Variants in ANTXR2 observed in about 807,000 individuals in gnomAD.
ANTXR2 encodes ANTXR cell adhesion molecule 2.
In ANTXR2, 44 loss-of-function variants were observed where a neutral mutation model predicts 73.7. The observed-to-expected ratio is 0.60, with a 90% CI of 0.47 to 0.77. ANTXR2 has a LOEUF of 0.77. Ranked by LOEUF, ANTXR2 falls within the 30% of genes least tolerant of loss-of-function variation. ANTXR2 has a pLI of 0.00. For synonymous variants in ANTXR2, 217 were observed against 205.9 expected (o/e 1.05, Z -0.46); for missense variants, 604 against 592.5 (o/e 1.02, Z -0.20).
intron 10 of ANTXR2, among the ~76,000 whole-genome samples, chr4:80,022,052 T>C (rs999805593): frequency 2.0e-5 from 3 of 152,198 alleles, no homozygotes; most frequent in Non-Finnish European, 4.4e-5. Context: ...CTTATAAAGG[T>C]AACTTGTCCA....
At chr4:80,007,897 G>A (rs1731383576) in intron 12 of ANTXR2, among the ~76,000 whole-genome samples, 1 of 152,078 alleles carries the variant, frequency 6.6e-6, no homozygotes, top group Non-Finnish European at 1.5e-5. Flanking sequence ...ATAAATTTGT[G>A]TTGCTTTTAG....
intron 14 of ANTXR2, among the ~76,000 whole-genome samples, chr4:79,981,699 C>G (rs189396753): frequency 5.3e-5 from 8 of 152,134 alleles, no homozygotes; most frequent in Admixed American, 3.3e-4. Context: ...GGATACTCAA[C>G]GTGTATCGTG....
intron 10 of ANTXR2, among the ~76,000 whole-genome samples, chr4:80,025,067 T>C (rs1290146325): frequency 6.6e-6 from 1 of 152,170 alleles, no homozygotes; most frequent in Non-Finnish European, 1.5e-5. Flanking sequence ...AGTAGAAGGA[T>C]AGAAGAAAGC....
intron 10 of ANTXR2, among the ~76,000 whole-genome samples, chr4:80,024,083 G>A (rs113731651): frequency 2.6e-5 from 4 of 152,324 alleles, no homozygotes; most frequent in African/African-American, 9.6e-5. Flanking sequence ...TAGTGGCAAT[G>A]AGGTTAGTGT....
intron 12 of ANTXR2, among the ~76,000 whole-genome samples, chr4:79,990,097 T>G (rs1730392506): frequency 6.6e-6 from 1 of 152,016 alleles, no homozygotes; most frequent in Non-Finnish European, 1.5e-5. Flanking sequence ...CTCTCACCAC[T>G]TCTATTCAGT....
intron 16 of ANTXR2, among the ~76,000 whole-genome samples, chr4:79,947,461 A>C (rs1728558408): frequency 6.6e-6 from 1 of 152,128 alleles, no homozygotes; most frequent in South Asian, 2.1e-4. Context: ...AGTGTTAAAA[A>C]AAAAGTTTTT....
At chr4:79,988,278 T>C (rs1292249766) in intron 12 of ANTXR2, among the ~76,000 whole-genome samples, 3 of 84,890 alleles carry the variant, frequency 3.5e-5, no homozygotes, top group Non-Finnish European at 7.1e-5. Flanking sequence ...TATATATATA[T>C]GTAGGCTGAA....
At chr4:79,999,612 T>C (rs1013893188) in intron 12 of ANTXR2, among the ~76,000 whole-genome samples, 3 of 152,202 alleles carry the variant, frequency 2.0e-5, no homozygotes, top group African/African-American at 7.2e-5. Flanking sequence ...CATATTGAAA[T>C]GTAATTTTCA....
rs1254398097 is a variant in ANTXR2, at chr4:79,983,958, GTTC to G, written c.1096_1098del (p.Glu366del). The stretch of plus-strand genomic sequence containing the variant: ...GTTGGCCACTTTTTAGTAGGCAAAG[GTTC>G]TTCTTCCTCCTGTGGAAATATGTTT... On this transcript the variant is annotated inframe_deletion, in exon 14 of 17. Transcript: ENST00000403729. 3 of 1,595,866 alleles carry G rather than the reference GTTC, an allele frequency of 1.9e-6. No homozygotes were observed. Among genetic ancestry groups the G allele is most frequent in the Non-Finnish European group, 2.6e-6 (3 of 1,173,102 alleles).
intron 16 of ANTXR2, among the ~76,000 whole-genome samples, chr4:79,965,547 T>G (rs1729329947): frequency 6.6e-6 from 1 of 152,232 alleles, no homozygotes; most frequent in Non-Finnish European, 1.5e-5. Flanking sequence ...ACATGGAACT[T>G]GTATACCTGT....
rs529468896 is a variant in ANTXR2 at position 80,033,474 on chromosome 4, G to T, written c.794C>A (p.Thr265Lys). Residue 265 changes from threonine (T) to lysine (K), a missense_variant and splice_region_variant, in exon 9 of 17, where the codon ACG becomes AAG. Coordinates refer to ENST00000403729, the MANE Select transcript of ANTXR2 (RefSeq NM_058172.6). ...CTYTVNETYTTSVKPVSVQLN... is the reference protein window; with the variant it reads ...CTYTVNETYTKSVKPVSVQLN... ...CACTGAGATTACTGGGGACCTACTC[G>T]TTGTATATGTTTCATTTACAGTGTA... The T allele has an allele frequency of 6.3e-7, 1 of 1,594,000 alleles. No individual in the cohort carries two copies. The highest frequency in any genetic ancestry group is 1.8e-5 in the Admixed American group (1 of 56,984).
At chr4:79,952,521 G>T (rs1728744827) in intron 16 of ANTXR2, among the ~76,000 whole-genome samples, 1 of 151,734 alleles carries the variant, frequency 6.6e-6, no homozygotes, top group Non-Finnish European at 1.5e-5. Flanking sequence ...TCAGAAATGT[G>T]TTTAAATGCT....
At chr4:79,977,740 A>C (rs1222548463) in intron 15 of ANTXR2, 39 bp from the exon 16 acceptor site, 2 of 1,507,164 alleles carry the variant, frequency 1.3e-6, no homozygotes, top group South Asian at 2.4e-5. Flanking sequence ...CAGAGAATGT[A>C]CTCAATCTCT....
chr4:79,992,632 A>C lies in ANTXR2; in HGVS notation c.1042-7769T>G, dbSNP rs185931846. Among the ~76,000 whole-genome samples, 695 of 152,108 alleles carry C rather than the reference A, an allele frequency of 4.6e-3. 10 individuals carry two copies. The highest frequency in any genetic ancestry group is 0.016 in the African/African-American group (660 of 41,538). ...TTTAAAATAATAATAAAACAAAATA[A>C]AGTTAAGTTCATCAAACTGCAGGTA... On this transcript the variant is annotated intron_variant, in intron 12 of 16. Coordinates refer to ENST00000403729, the MANE Select transcript of ANTXR2 (RefSeq NM_058172.6).
intron 3 of ANTXR2, among the ~76,000 whole-genome samples, chr4:80,062,682 A>C (rs1252906661): frequency 6.6e-6 from 1 of 152,186 alleles, no homozygotes; most frequent in Non-Finnish European, 1.5e-5. Flanking sequence ...AGAATAGAAT[A>C]AATTTAGGGA....
chr4:79,996,105 C>T (rs1335820951), intron 12 of ANTXR2, among the ~76,000 whole-genome samples: 1 of 151,868 alleles, frequency 6.6e-6, no homozygotes, highest in Non-Finnish European at 1.5e-5. Flanking sequence ...AATAACTTGC[C>T]CAAATATATA....
chr4:79,915,278 A>C (rs1445049278), intron 16 of ANTXR2, among the ~76,000 whole-genome samples: 4 of 152,258 alleles, frequency 2.6e-5, no homozygotes, highest in African/African-American at 9.6e-5. Flanking sequence ...CCCCAACTCC[A>C]CTGCAATATT....
At chr4:80,033,693 T>C in intron 8 of ANTXR2, 123 bp from the exon 9 acceptor site, 2 of 683,038 alleles carry the variant, frequency 2.9e-6, no homozygotes, top group South Asian at 2.1e-5. Flanking sequence ...AGTTAACTAA[T>C]AGCAATGAAG....
chr4:79,926,893 G>GTATATACACATGTGTGCATATATGTGTA lies in ANTXR2; in HGVS notation c.1429-19454_1429-19427dup, dbSNP rs1560866669. ...TATATATGTGTGTATATATATGTGTGTATATACACATGTGTGCATATATGT... is the reference window on the plus strand; with the variant it reads ...TATATATGTGTGTATATATATGTGTGTATATACACATGTGTGCATATATGTGTATATATACACATGTGTGCATATATGT... On this transcript the variant is annotated intron_variant, in intron 16 of 16. Coordinates refer to ENST00000403729, the MANE Select transcript of ANTXR2 (RefSeq NM_058172.6). Among the ~76,000 whole-genome samples, 753 of 121,632 alleles carry GTATATACACATGTGTGCATATATGTGTA rather than the reference G, an allele frequency of 6.2e-3. 82 individuals are homozygous for GTATATACACATGTGTGCATATATGTGTA. The highest frequency in any genetic ancestry group is 7.3e-3 in the Non-Finnish European group (427 of 58,814). The allele number at this position is 121,632 out of a possible 152,430, so 79.8% of individuals were successfully genotyped here.
Sources: gnomAD v4.1 joint callset for allele counts (sites outside exome capture counted in the v4.1 genomes callset) on GRCh38, gnomAD v4.1.1 for gene constraint, MANE v1.5 for transcripts, NCBI Gene and HGNC (gene_info 2026-07-23, HGNC 2026-07-21) for gene names.